The following SLC14A2 variants were observed in gnomAD, a reference collection of about 807,000 sequenced individuals.
The protein encoded by SLC14A2 is urea transporter 2.
A neutral mutation model predicts 104.6 loss-of-function variants in SLC14A2; 91 were observed. The observed-to-expected ratio is 0.87, with a 90% confidence interval of 0.73 to 1.04. The LOEUF (loss-of-function observed/expected upper bound fraction) is 1.04. SLC14A2 is among the 50% of genes least tolerant of loss of function. The pLI is 0.00. For missense variants in SLC14A2, 1,189 were observed against 1,156.0 expected (o/e 1.03, Z -0.41); for synonymous variants, 476 against 466.4 (o/e 1.02, Z -0.27).
intron 1 of SLC14A2, among the ~76,000 whole-genome samples, chr18:45,268,027 C>T (rs1258077355): frequency 1.3e-5 from 2 of 152,106 alleles, no homozygotes; most frequent in East Asian, 3.9e-4. Context: ...TCAATGCCCA[C>T]AATTCAGCAC....
intron 1 of SLC14A2, among the ~76,000 whole-genome samples, chr18:45,456,849 A>T (rs1288315561): frequency 6.6e-6 from 1 of 151,046 alleles, no homozygotes; most frequent in Non-Finnish European, 1.5e-5. Flanking sequence ...GCTGTTGCAG[A>T]TTTTCAAAGC....
In SLC14A2 at chr18:45,469,383, C is replaced by A. The variant is rs115431270; in HGVS notation, c.-124-13850C>A. Among the ~76,000 whole-genome samples the A allele has an allele frequency of 2.8e-3, 427 of 152,260 alleles. 2 individuals carry two copies. Among genetic ancestry groups the A allele is most frequent in the Middle Eastern group, 0.014 (4 of 294 alleles). On this transcript the variant is annotated intron_variant, in intron 1 of 20. Coordinates refer to the SLC14A2 transcript ENST00000586448. ...TTACTTAAGAAGATGGATGCAAGGG[C>A]AGATGCTGAATCAACAGGAGAGGGT...
chr18:45,548,469 T>C (rs2044007083), intron 2 of SLC14A2, among the ~76,000 whole-genome samples: 1 of 152,210 alleles, frequency 6.6e-6, no homozygotes, highest in Non-Finnish European at 1.5e-5. Flanking sequence ...TTTGGGAGGC[T>C]GAAGCAGGTG....
In SLC14A2 at chr18:45,491,777, A is replaced by G. The variant is rs1315782709; in HGVS notation, c.-35+8455A>G. Among the ~76,000 whole-genome samples the G allele has an allele frequency of 2.0e-5, 3 of 152,318 alleles. No homozygotes were observed. The East Asian group carries it at 5.8e-4, about 29-fold the overall frequency. ...TGTGGATGTCTGCTCATGCACACAC[A>G]CACACCAAGATAGTTCTGCACATGA... On this transcript the variant is annotated intron_variant, in intron 2 of 20. Coordinates refer to the SLC14A2 transcript ENST00000586448.
At chr18:45,575,131 G>C (rs1045382656) in intron 2 of SLC14A2, among the ~76,000 whole-genome samples, 18 of 152,146 alleles carry the variant, frequency 1.2e-4, no homozygotes, top group Non-Finnish European at 2.4e-4. Context: ...GGCCCTGTGG[G>C]TTTCTTGACC....
At chr18:45,440,968 C>A (rs1174358549) in intron 1 of SLC14A2, among the ~76,000 whole-genome samples, 1 of 152,106 alleles carries the variant, frequency 6.6e-6, no homozygotes, top group African/African-American at 2.4e-5. Flanking sequence ...CTGCCGTGTT[C>A]GTGCTTCATT....
chr18:45,184,905 G>T, the SLC14A2 span, among the ~76,000 whole-genome samples: 1 of 152,148 alleles, frequency 6.6e-6, no homozygotes, highest in Non-Finnish European at 1.5e-5. Context: ...CCCTCAACAA[G>T]TTCCTCTCAT....
chr18:45,272,807 C>G lies in SLC14A2; in HGVS notation c.-125+59616C>G, dbSNP rs144078136. Among the ~76,000 whole-genome samples the G allele has an allele frequency of 2.8e-3, 433 of 151,958 alleles. 2 individuals carry two copies. The highest frequency in any genetic ancestry group is 0.01 in the African/African-American group (415 of 41,462). On this transcript the variant is annotated intron_variant, in intron 1 of 20. Coordinates refer to the SLC14A2 transcript ENST00000586448. Reference sequence around the variant, plus strand: ...GATAAATGCTTGAGGGGATGGATACCCCATTCTCCTTGTTGTGCTTATTTC... The same window carrying G: ...GATAAATGCTTGAGGGGATGGATACGCCATTCTCCTTGTTGTGCTTATTTC...
At chr18:45,398,081 A>C (rs2086055850) in intron 1 of SLC14A2, among the ~76,000 whole-genome samples, 1 of 152,184 alleles carries the variant, frequency 6.6e-6, no homozygotes, top group African/African-American at 2.4e-5. Context: ...TTTTTACAAA[A>C]AAAGTCGATA....
At chr18:45,334,289 C>T (rs992738701) in intron 1 of SLC14A2, among the ~76,000 whole-genome samples, 1 of 152,148 alleles carries the variant, frequency 6.6e-6, no homozygotes, top group African/African-American at 2.4e-5. Flanking sequence ...TTCCTGTTAA[C>T]CCTCCATTAC....
chr18:45,398,276 C>T (rs2144441169), intron 1 of SLC14A2, among the ~76,000 whole-genome samples: 1 of 152,148 alleles, frequency 6.6e-6, no homozygotes, highest in South Asian at 2.1e-4. Flanking sequence ...GAGTGTGTGG[C>T]TGAGATCAAG....
chr18:45,659,245 C>T (rs1047676705), intron 10 of SLC14A2, among the ~76,000 whole-genome samples: 3 of 152,256 alleles, frequency 2.0e-5, no homozygotes, highest in Non-Finnish European at 4.4e-5. Context: ...TGGCCATAAA[C>T]ATCATCTGTT....
chr18:45,284,123 T>C (rs2084790161), intron 1 of SLC14A2, among the ~76,000 whole-genome samples: 1 of 152,250 alleles, frequency 6.6e-6, no homozygotes, highest in South Asian at 2.1e-4. Flanking sequence ...ATGTGGTTCA[T>C]GTTTCATGGC....
At chr18:45,226,671 TG>T (rs1222217459) in intron 1 of SLC14A2, among the ~76,000 whole-genome samples, 1 of 21,108 alleles carries the variant, frequency 4.7e-5, no homozygotes, top group Non-Finnish European at 8.9e-5. Flanking sequence ...GCCTGTTGGG[TG>T]GGGGGAGGGG....
the SLC14A2 span, among the ~76,000 whole-genome samples, chr18:45,201,633 T>A: frequency 3.9e-5 from 6 of 152,006 alleles, no homozygotes; most frequent in Non-Finnish European, 2.9e-5. Context: ...TTTTGTATAT[T>A]TCCTGTTTCA....
intron 1 of SLC14A2, among the ~76,000 whole-genome samples, chr18:45,232,690 G>A (rs1490649422): frequency 6.6e-6 from 1 of 152,184 alleles, no homozygotes; most frequent in African/African-American, 2.4e-5. Flanking sequence ...ATTTTGGATT[G>A]TTACTTTTAA....
At chr18:45,572,419 C>G (rs1486541896) in intron 2 of SLC14A2, among the ~76,000 whole-genome samples, 2 of 152,202 alleles carry the variant, frequency 1.3e-5, no homozygotes, top group African/African-American at 4.8e-5. Flanking sequence ...AGACCCTCAA[C>G]ACCTAGTCCC....
Position 45,641,305 on chromosome 18 carries a change from C to T in SLC14A2, c.1088C>T (p.Ala363Val), listed in dbSNP as rs1335037588. The T allele has an allele frequency of 1.2e-6, 2 of 1,614,088 alleles. No homozygotes were observed. Among genetic ancestry groups the T allele is most frequent in the East Asian group, 4.5e-5 (2 of 44,896 alleles). The change falls in exon 8 of 20, where the codon GCC (alanine) becomes GTC (valine). Residue 363 changes from alanine to valine, a missense_variant. Ala to Val is a moderately conservative substitution (Grantham distance 64). Coordinates refer to ENST00000255226, the MANE Select transcript of SLC14A2 (RefSeq NM_007163.4). ...SCIAIGGMFY[A>V]LTWQTHLLAL... The stretch of plus-strand genomic sequence containing the variant: ...ATCGCCATCGGAGGCATGTTCTATG[C>T]CCTCACCTGGCAGACTCACCTGCTG...
chr18:45,464,942 AG>A (rs2087113197), intron 1 of SLC14A2, among the ~76,000 whole-genome samples: 1 of 152,206 alleles, frequency 6.6e-6, no homozygotes. Context: ...TCACCGTGAC[AG>A]CATCATGGCA....
Sources: allele counts gnomAD v4.1 joint callset (sites outside exome capture counted in the v4.1 genomes callset), GRCh38; gene constraint gnomAD v4.1.1; transcripts MANE v1.5; gene names NCBI Gene and HGNC (gene_info 2026-07-23, HGNC 2026-07-21).